The following BMERB1 variants were observed in gnomAD, a reference collection of about 807,000 sequenced individuals.
The protein encoded by BMERB1 is bMERB domain containing 1.
BMERB1 carries 12 observed loss-of-function variants against 23.6 expected under a neutral mutation model. That is an observed-to-expected ratio of 0.51 (90% confidence interval 0.33 to 0.82). The LOEUF (loss-of-function observed/expected upper bound fraction) is 0.82, where lower values mean the gene tolerates loss of function less well. Ranked by LOEUF, BMERB1 falls within the 40% of genes least tolerant of loss-of-function variation. The pLI, the probability that BMERB1 is intolerant of heterozygous loss-of-function variation, is 0.03. For missense variants in BMERB1, 247 were observed against 255.4 expected (o/e 0.97, Z 0.22); for synonymous variants, 122 against 96.6 (o/e 1.26, Z -1.54).
At chr16:15,504,334 A>C (rs571409083) in intron 1 of BMERB1, among the ~76,000 whole-genome samples, 3 of 152,364 alleles carry the variant, frequency 2.0e-5, no homozygotes, top group Non-Finnish European at 2.9e-5. Context: ...AATTTCAATG[A>C]ATATAGTTAA....
chr16:15,560,141 G>A (rs1279185669), intron 2 of BMERB1, among the ~76,000 whole-genome samples: 3 of 152,170 alleles, frequency 2.0e-5, no homozygotes, highest in South Asian at 2.1e-4. Context: ...TCATAGGGAC[G>A]TTGATGGAGT....
intron 1 of BMERB1, among the ~76,000 whole-genome samples, chr16:15,508,447 G>GT (rs11457588): frequency 0.99 from 150,262 of 152,190 alleles, 74,211 homozygotes; most frequent in Middle Eastern, 1. Flanking sequence ...CGTGATCAGT[G>GT]TCCAGAACAA....
chr16:15,457,385 T>A (rs774522734), intron 1 of BMERB1, among the ~76,000 whole-genome samples: 1 of 152,214 alleles, frequency 6.6e-6, no homozygotes, highest in Non-Finnish European at 1.5e-5. Context: ...GACAAGCTTC[T>A]TAACCTTTTT....
chr16:15,559,889 C>T (rs1331419820), intron 2 of BMERB1, among the ~76,000 whole-genome samples: 3 of 152,056 alleles, frequency 2.0e-5, no homozygotes, highest in Admixed American at 1.3e-4. Flanking sequence ...TTGTCTTGGA[C>T]CACACATAAA....
At chr16:15,578,138 G>A (rs1273113213) in intron 3 of BMERB1, among the ~76,000 whole-genome samples, 1 of 151,950 alleles carries the variant, frequency 6.6e-6, no homozygotes, top group Non-Finnish European at 1.5e-5. Context: ...ACAATTCTTG[G>A]CATTGCTTGC....
chr16:15,539,861 G>T, intron 2 of BMERB1, among the ~76,000 whole-genome samples: 1 of 151,244 alleles, frequency 6.6e-6, no homozygotes, highest in East Asian at 1.9e-4. Flanking sequence ...AAAAGAAAAA[G>T]AAAAAGAATT....
chr16:15,549,777 G>A (rs554613188), intron 2 of BMERB1, among the ~76,000 whole-genome samples: 1 of 152,246 alleles, frequency 6.6e-6, no homozygotes, highest in South Asian at 2.1e-4. Flanking sequence ...CTTCGCAGTA[G>A]GGAGTCCATG....
intron 1 of BMERB1, among the ~76,000 whole-genome samples, chr16:15,500,243 C>T (rs1453601709): frequency 3.3e-5 from 5 of 152,168 alleles, no homozygotes; most frequent in African/African-American, 1.2e-4. Flanking sequence ...ACAGCTGAGC[C>T]AGTCCTATTA....
intron 2 of BMERB1, among the ~76,000 whole-genome samples, chr16:15,532,324 T>C (rs11075273): frequency 0.78 from 118,874 of 151,492 alleles, 47,143 homozygotes; most frequent in African/African-American, 0.91. Context: ...CTCTGCCTCC[T>C]GGGTTCAAGC....
chr16:15,586,973 G>A lies in BMERB1; in HGVS notation c.*144G>A, dbSNP rs892862652. The stretch of plus-strand genomic sequence containing the variant: ...GACTGTCACCAGAGGCCATGGGCAC[G>A]GCAGGCGGGCCTGGCCACCCTGTAC... On this transcript the variant is annotated 3_prime_UTR_variant, in exon 6 of 6. Transcript: ENST00000300006. 16 of 628,050 alleles carry A rather than the reference G, an allele frequency of 2.5e-5. No homozygotes were observed. The highest frequency in any genetic ancestry group is 3.7e-5 in the African/African-American group (2 of 54,266). 38.9% of individuals were successfully genotyped at this position (628,050 alleles called of 1,614,324 possible).
At chr16:15,487,949 T>G (rs2051381929) in intron 1 of BMERB1, among the ~76,000 whole-genome samples, 1 of 152,194 alleles carries the variant, frequency 6.6e-6, no homozygotes, top group Admixed American at 6.6e-5. Context: ...TTTGGCCAGC[T>G]TCTTTACCGC....
chr16:15,578,226 C>CTT (rs72419431), intron 3 of BMERB1, among the ~76,000 whole-genome samples: 24 of 120,976 alleles, frequency 2.0e-4, no homozygotes, highest in East Asian at 3.1e-4. Flanking sequence ...CTCTTCTCCT[C>CTT]TTTTTTTTTT....
At position 15,454,590 on chromosome 16, in the gene BMERB1, C is replaced by T. The variant is rs2051068071; in HGVS notation, c.106+19831C>T. Among the ~76,000 whole-genome samples the T allele has an allele frequency of 2.6e-5, 4 of 152,100 alleles. 1 individual carries two copies. In the South Asian group the frequency reaches 8.3e-4, roughly 31 times the overall value. ...GGTGGATCACTTGAGGTCAGCAGTT[C>T]GAGACCAGCCTGGCCAACATGGTGA... On this transcript the variant is annotated intron_variant, in intron 1 of 5. Transcript: ENST00000300006.
intron 1 of BMERB1, among the ~76,000 whole-genome samples, chr16:15,476,214 G>GT (rs1348389762): frequency 1.4e-5 from 2 of 142,382 alleles, no homozygotes; most frequent in African/African-American, 5.2e-5. Flanking sequence ...CCAAGCTGGA[G>GT]TGCAGTGGCG....
At chr16:15,483,615 G>A (rs2051342761) in intron 1 of BMERB1, among the ~76,000 whole-genome samples, 5 of 152,054 alleles carry the variant, frequency 3.3e-5, no homozygotes, top group African/African-American at 4.8e-5. Context: ...CTTGACCTCA[G>A]GTGATCCACT....
rs117029038 is a variant in BMERB1 at position 15,487,806 on chromosome 16, T to C, written c.107-27499T>C. Among the ~76,000 whole-genome samples the C allele has an allele frequency of 1.4e-3, 217 of 152,328 alleles. 1 individual carries two copies. The East Asian group carries it at 0.025, about 18-fold the overall frequency. On this transcript the variant is annotated intron_variant, in intron 1 of 5. Transcript: ENST00000300006. ...TAAGACTATATAAGGTAACTGACAT[T>C]GCCATGGCATTTGTAAACAGTCCTG...
At chr16:15,441,569 G>T (rs576700916) in intron 1 of BMERB1, among the ~76,000 whole-genome samples, 1 of 152,128 alleles carries the variant, frequency 6.6e-6, no homozygotes, top group South Asian at 2.1e-4. Flanking sequence ...GTAGAGATGG[G>T]GTTTTTCCAT....
intron 1 of BMERB1, 28 bp from the exon 2 acceptor site, chr16:15,515,277 A>T: frequency 6.2e-7 from 1 of 1,612,334 alleles, no homozygotes; most frequent in Non-Finnish European, 8.5e-7. Flanking sequence ...TGGGGTCCTG[A>T]TGGTTGTATT....
intron 3 of BMERB1, among the ~76,000 whole-genome samples, chr16:15,577,706 T>C (rs1407474418): frequency 6.6e-6 from 1 of 152,256 alleles, no homozygotes; most frequent in Non-Finnish European, 1.5e-5. Flanking sequence ...TCATTTTCCC[T>C]CAGGGCAGGT....
Sources: gnomAD v4.1 joint callset for allele counts (sites outside exome capture counted in the v4.1 genomes callset) on GRCh38, gnomAD v4.1.1 for gene constraint, MANE v1.5 for transcripts, NCBI Gene and HGNC (gene_info 2026-07-23, HGNC 2026-07-21) for gene names.